Variants in SKAP1 observed in about 807,000 individuals in gnomAD.
SKAP1 encodes src kinase-associated phosphoprotein 1.
In SKAP1, 44 loss-of-function variants were observed where a neutral mutation model predicts 58.5. The observed-to-expected ratio is 0.75, with a 90% confidence interval of 0.59 to 0.97. The LOEUF (loss-of-function observed/expected upper bound fraction) is 0.97. Among genes scored for constraint, SKAP1 ranks in the 50% least tolerant of loss-of-function variants. The pLI, the probability that SKAP1 is intolerant of heterozygous loss-of-function variation, is 0.00. For synonymous variants in SKAP1, 127 were observed against 149.7 expected (o/e 0.85, Z 1.11); for missense variants, 390 against 435.2 (o/e 0.90, Z 0.92).
At chr17:48,236,973 GTAC>G (rs1457846829) in intron 4 of SKAP1, among the ~76,000 whole-genome samples, 1 of 152,128 alleles carries the variant, frequency 6.6e-6, no homozygotes, top group African/African-American at 2.4e-5. Flanking sequence ...TAAGAGGTAG[GTAC>G]TACCATTATC....
Position 48,250,272 on chromosome 17 carries a change from G to GTTTTT in SKAP1, c.281-60777_281-60773dup, listed in dbSNP as rs755523173. 1.9e-3 allele frequency among the ~76,000 whole-genome samples: 142 copies of GTTTTT among 74,044 alleles called. 17 individuals are homozygous for GTTTTT. The highest frequency in any genetic ancestry group is 7.5e-3 in the African/African-American group (140 of 18,638). The allele number at this position is 74,044 out of a possible 152,430, so 48.6% of individuals were successfully genotyped here. ...TACATATATTTTGCTGCCATAGACAGTTTTTTTTTTTTTTTTTTTTTTTTT... is the reference window on the plus strand; with the variant it reads ...TACATATATTTTGCTGCCATAGACAGTTTTTTTTTTTTTTTTTTTTTTTTTTTTTT... On this transcript the variant is annotated intron_variant, in intron 4 of 12. Transcript: ENST00000336915.
chr17:48,356,299 G>GATAA (rs1294773500), intron 3 of SKAP1, among the ~76,000 whole-genome samples: 3 of 152,038 alleles, frequency 2.0e-5, no homozygotes, highest in African/African-American at 7.2e-5. Context: ...TAGATAGATA[G>GATAA]ATGAAAACTT....
chr17:48,412,677 C>T (rs2067679874), intron 1 of SKAP1, among the ~76,000 whole-genome samples: 1 of 152,008 alleles, frequency 6.6e-6, no homozygotes, highest in Non-Finnish European at 1.5e-5. Context: ...ATTCATTTTC[C>T]TCCAGCTTTC....
In SKAP1 at chr17:48,345,905, C is replaced by A. The variant is rs759751117; in HGVS notation, c.280G>T (p.Gly94Ter). The change falls in exon 4 of 13, where the codon GGA (glycine) becomes TGA (stop). Residue 94 changes from glycine (G) to a stop codon, truncating the protein, a stop_gained and splice_region_variant. Transcript: ENST00000336915. LOFTEE classifies it high-confidence loss of function. ...APFLSDYQDE[G>*]MEDIVKGAQE... ...CAAAATCCAGAAGGATAACACTCAC[C>A]CTCATCCTGATAATCTGACAAAAAG... is the stretch of plus-strand genomic sequence containing the variant. 6.2e-7 allele frequency: 1 copy of A among 1,603,676 alleles called. No individual in the cohort carries two copies. The highest frequency in any genetic ancestry group is 2.2e-5 in the East Asian group (1 of 44,756).
At chr17:48,342,488 T>C (rs1333356572) in intron 4 of SKAP1, among the ~76,000 whole-genome samples, 2 of 126,702 alleles carry the variant, frequency 1.6e-5, no homozygotes, top group Non-Finnish European at 3.3e-5. Flanking sequence ...TGCTTCTATA[T>C]TCTTCTAGCA....
intron 2 of SKAP1, among the ~76,000 whole-genome samples, chr17:48,385,616 G>A (rs2067265505): frequency 6.6e-6 from 1 of 152,130 alleles, no homozygotes; most frequent in Admixed American, 6.5e-5. Context: ...ACTTTAAAAG[G>A]GGAGAGGTCT....
intron 9 of SKAP1, among the ~76,000 whole-genome samples, chr17:48,176,837 A>G (rs2064298049): frequency 6.6e-6 from 1 of 152,220 alleles, no homozygotes; most frequent in African/African-American, 2.4e-5. Flanking sequence ...TGTATTACAT[A>G]CACTTTTCTC....
chr17:48,292,583 A>T (rs984800815), intron 4 of SKAP1, among the ~76,000 whole-genome samples: 2 of 152,208 alleles, frequency 1.3e-5, no homozygotes, highest in African/African-American at 4.8e-5. Flanking sequence ...CAAGATTATT[A>T]AATAATTACC....
chr17:48,403,680 G>A (rs2067531450), intron 1 of SKAP1, among the ~76,000 whole-genome samples: 1 of 152,148 alleles, frequency 6.6e-6, no homozygotes, highest in East Asian at 1.9e-4. Flanking sequence ...AGAATTCCAA[G>A]CATAGTCAAG....
chr17:48,366,356 T>C (rs1271949571), intron 2 of SKAP1, among the ~76,000 whole-genome samples: 1 of 152,066 alleles, frequency 6.6e-6, no homozygotes, highest in Non-Finnish European at 1.5e-5. Context: ...AGTTCCTGGG[T>C]TGGCAATCAG....
chr17:48,152,211 T>C (rs909225849), intron 11 of SKAP1, among the ~76,000 whole-genome samples: 1 of 152,226 alleles, frequency 6.6e-6, no homozygotes, highest in Non-Finnish European at 1.5e-5. Context: ...TCTAATCAAT[T>C]ACCTTCAGTC....
chr17:48,281,780 C>A (rs1238486589), intron 4 of SKAP1, among the ~76,000 whole-genome samples: 1 of 151,356 alleles, frequency 6.6e-6, no homozygotes, highest in Non-Finnish European at 1.5e-5. Flanking sequence ...AAAATATATG[C>A]CATTAGGCAT....
chr17:48,255,251 A>T (rs1003463286), intron 4 of SKAP1, among the ~76,000 whole-genome samples: 9 of 152,060 alleles, frequency 5.9e-5, no homozygotes, highest in South Asian at 2.1e-4. Flanking sequence ...AATCAGAATT[A>T]TGTCTAAGAG....
At chr17:48,256,533 G>A (rs1043271839) in intron 4 of SKAP1, among the ~76,000 whole-genome samples, 4 of 152,076 alleles carry the variant, frequency 2.6e-5, no homozygotes, top group Non-Finnish European at 5.9e-5. Flanking sequence ...GACAATGAAG[G>A]AGACTAGACT....
the SKAP1 span, among the ~76,000 whole-genome samples, chr17:48,444,461 T>C: frequency 2.0e-5 from 3 of 152,180 alleles, no homozygotes; most frequent in Non-Finnish European, 2.9e-5. Context: ...GAACTTTAAT[T>C]CAAATATGTG....
intron 2 of SKAP1, among the ~76,000 whole-genome samples, chr17:48,393,772 A>G (rs965969604): frequency 5.9e-5 from 9 of 152,222 alleles, no homozygotes; most frequent in South Asian, 2.1e-4. Context: ...ATATATATAT[A>G]TGTGTGTGTA....
At chr17:48,351,086 T>A (rs1211571279) in intron 3 of SKAP1, among the ~76,000 whole-genome samples, 6 of 152,216 alleles carry the variant, frequency 3.9e-5, no homozygotes, top group Non-Finnish European at 7.3e-5. Context: ...TGGTCCTTAT[T>A]ATAACCATTC....
chr17:48,170,352 G>A (rs1490226190), intron 10 of SKAP1, among the ~76,000 whole-genome samples: 1 of 152,152 alleles, frequency 6.6e-6, no homozygotes, highest in African/African-American at 2.4e-5. Flanking sequence ...AAAAATAAAT[G>A]TCTGGTTTGG....
intron 4 of SKAP1, among the ~76,000 whole-genome samples, chr17:48,206,536 C>T (rs2064812950): frequency 6.6e-6 from 1 of 151,810 alleles, no homozygotes; most frequent in South Asian, 2.1e-4. Flanking sequence ...AATGTAAACA[C>T]TAAATATTGA....
Sources: allele counts gnomAD v4.1 joint callset (sites outside exome capture counted in the v4.1 genomes callset), GRCh38; gene constraint gnomAD v4.1.1; transcripts MANE v1.5; gene names NCBI Gene and HGNC (gene_info 2026-07-23, HGNC 2026-07-21).